Variants in GARIN2 observed in about 807,000 individuals in gnomAD.
GARIN2 encodes the protein golgi associated RAB2 interactor family member 2, also known as Golgi-associated RAB2 interactor protein 2.
chr14:67,218,769 G>A, the GARIN2 span, among the ~76,000 whole-genome samples: 4 of 151,982 alleles, frequency 2.6e-5, no homozygotes, highest in Admixed American at 6.5e-5. Context: ...GCTGTTTAGA[G>A]GTTCAGGGGT....
chr14:67,208,655 C>T, the GARIN2 span, among the ~76,000 whole-genome samples: 1 of 152,094 alleles, frequency 6.6e-6, no homozygotes, highest in African/African-American at 2.4e-5. Flanking sequence ...CAACTTGTCA[C>T]GTTACTCAGC....
chr14:67,199,461 G>A, the GARIN2 span: 2 of 1,612,862 alleles, frequency 1.2e-6, no homozygotes, highest in East Asian at 4.5e-5. Context: ...AAGATTATGT[G>A]GGACCCTGAC....
the GARIN2 span, among the ~76,000 whole-genome samples, chr14:67,193,098 A>G: frequency 6.9e-6 from 1 of 144,272 alleles, no homozygotes; most frequent in African/African-American, 2.5e-5. Flanking sequence ...ATATCTCTAT[A>G]TATCTCTATA....
the GARIN2 span, among the ~76,000 whole-genome samples, chr14:67,225,986 C>T: frequency 3.3e-5 from 5 of 149,418 alleles, no homozygotes; most frequent in African/African-American, 5.0e-5. Context: ...TGCGCATGCG[C>T]GTGCATGCTC....
the GARIN2 span, among the ~76,000 whole-genome samples, chr14:67,207,325 G>T: frequency 3.9e-4 from 60 of 152,114 alleles, no homozygotes; most frequent in African/African-American, 1.4e-3. Context: ...ACATCACATG[G>T]CCAGAGAGAG....
the GARIN2 span, among the ~76,000 whole-genome samples, chr14:67,213,781 A>C: frequency 6.6e-6 from 1 of 152,194 alleles, no homozygotes; most frequent in Non-Finnish European, 1.5e-5. Flanking sequence ...AGTCCCACCA[A>C]TAGTGTAAAA....
the GARIN2 span, chr14:67,198,188 C>A: frequency 6.2e-7 from 1 of 1,613,594 alleles, no homozygotes; most frequent in Middle Eastern, 1.6e-4. Context: ...GCAAGACTAC[C>A]ATGAGGATCA....
the GARIN2 span, chr14:67,198,931 T>C: frequency 1.4e-6 from 1 of 700,162 alleles, no homozygotes; most frequent in South Asian, 1.5e-5. Flanking sequence ...AGTCTAACAC[T>C]AAACACTGAG....
chr14:67,199,549 T>TG, the GARIN2 span: 10 of 1,605,952 alleles, frequency 6.2e-6, no homozygotes, highest in Non-Finnish European at 8.5e-6. Flanking sequence ...AAGCCATGAA[T>TG]GGGCAGTACC....
the GARIN2 span, chr14:67,202,981 T>C: frequency 8.9e-7 from 1 of 1,129,180 alleles, no homozygotes; most frequent in Non-Finnish European, 1.2e-6. Flanking sequence ...AACAAATATA[T>C]CATGGTTCAT....
At chr14:67,228,458 C>A in the GARIN2 span, 1 of 224,190 alleles carries the variant, frequency 4.5e-6, no homozygotes, top group Non-Finnish European at 7.5e-6. Context: ...AACTAAAAAG[C>A]AAACACAGCT....
the GARIN2 span, chr14:67,196,938 T>C: frequency 6.6e-6 from 1 of 152,196 alleles, no homozygotes; most frequent in African/African-American, 2.4e-5. Flanking sequence ...GTGCTTTTTT[T>C]TTCTTTTTGA....
chr14:67,194,377 G>A, the GARIN2 span, among the ~76,000 whole-genome samples: 1 of 151,746 alleles, frequency 6.6e-6, no homozygotes, highest in African/African-American at 2.4e-5. Flanking sequence ...AAAAAAAAGA[G>A]TGAACCTAGT....
At chr14:67,198,297 A>G in the GARIN2 span, 7 of 1,613,478 alleles carry the variant, frequency 4.3e-6, no homozygotes, top group East Asian at 1.3e-4. Context: ...ATCTCCTCCC[A>G]TGTTAGAGAG....
At chr14:67,196,812 C>T in the GARIN2 span, 2 of 152,288 alleles carry the variant, frequency 1.3e-5, no homozygotes, top group African/African-American at 2.4e-5. Flanking sequence ...CCTCGGACTC[C>T]GCTTCACCTA....
chr14:67,226,907 C>T, the GARIN2 span, among the ~76,000 whole-genome samples: 2 of 152,140 alleles, frequency 1.3e-5, no homozygotes, highest in African/African-American at 2.4e-5. Flanking sequence ...CAGGGTGACA[C>T]GTGCTGGCTC....
chr14:67,211,821 G>T, the GARIN2 span, among the ~76,000 whole-genome samples: 1 of 152,082 alleles, frequency 6.6e-6, no homozygotes, highest in African/African-American at 2.4e-5. Flanking sequence ...TCCAGCCCGG[G>T]TGATGGAGCA....
chr14:67,209,572 C>A, the GARIN2 span, among the ~76,000 whole-genome samples: 1 of 152,008 alleles, frequency 6.6e-6, no homozygotes, highest in Admixed American at 6.6e-5. Flanking sequence ...GTAGTCCCAG[C>A]ACTTTGGGAG....
At chr14:67,204,840 A>T in the GARIN2 span, 2 of 1,614,012 alleles carry the variant, frequency 1.2e-6, no homozygotes, top group Admixed American at 3.3e-5. Context: ...ACATGTATGC[A>T]GGTACAGGCC....
Sources: allele counts gnomAD v4.1 joint callset (sites outside exome capture counted in the v4.1 genomes callset), GRCh38; gene constraint gnomAD v4.1.1; transcripts MANE v1.5; gene names NCBI Gene and HGNC (gene_info 2026-07-23, HGNC 2026-07-21).